Variants in OXR1 observed in about 807,000 individuals in gnomAD.
The protein encoded by OXR1 is oxidation resistance 1, also known as oxidation resistance protein 1.
OXR1 carries 41 observed loss-of-function variants against 104.6 expected under a neutral mutation model. The observed-to-expected ratio is 0.39, with a 90% CI of 0.31 to 0.51. The LOEUF is 0.51. OXR1 is among the 20% of genes least tolerant of loss of function. The pLI is 0.77. For missense variants in OXR1, 955 were observed against 1,031.9 expected (o/e 0.93, Z 1.02); for synonymous variants, 348 against 348.4 (o/e 1.00, Z 0.01).
At chr8:106,713,711 A>G (rs1831942580) in intron 10 of OXR1, 112 bp from the exon 11 acceptor site, 1 of 579,176 alleles carries the variant, frequency 1.7e-6, no homozygotes. Context: ...AAAACAATAT[A>G]TTTTGTGTAT....
intron 1 of OXR1, among the ~76,000 whole-genome samples, chr8:106,307,121 G>T (rs1813493238): frequency 6.6e-6 from 1 of 152,096 alleles, no homozygotes; most frequent in Non-Finnish European, 1.5e-5. Flanking sequence ...TCAAGAAACA[G>T]CATTTTATTC....
intron 3 of OXR1, among the ~76,000 whole-genome samples, chr8:106,586,824 T>G (rs555227156): frequency 2.0e-5 from 3 of 152,090 alleles, no homozygotes; most frequent in African/African-American, 4.8e-5. Context: ...GAATGAGAAC[T>G]GAGATGACTG....
At chr8:106,647,504 TA>T (rs200516233) in intron 3 of OXR1, among the ~76,000 whole-genome samples, 2,576 of 152,236 alleles carry the variant, frequency 0.017, 29 homozygotes, top group East Asian at 0.034. Flanking sequence ...ATGCTTTATA[TA>T]AAAAAAGAGT....
intron 3 of OXR1, among the ~76,000 whole-genome samples, chr8:106,528,295 G>A (rs765170291): frequency 8.5e-5 from 13 of 152,096 alleles, no homozygotes; most frequent in Non-Finnish European, 1.9e-4. Context: ...ATTAAGTTGG[G>A]AAATGGTCCC....
intron 3 of OXR1, among the ~76,000 whole-genome samples, chr8:106,583,026 TATTG>T (rs1485711590): frequency 2.6e-5 from 4 of 152,218 alleles, no homozygotes; most frequent in South Asian, 2.1e-4. Flanking sequence ...AACTTATTCC[TATTG>T]ATTAAGTTTT....
Position 106,313,447 on chromosome 8 carries a change from A to G in OXR1, c.-139+43080A>G, listed in dbSNP as rs1813793387. On this transcript the variant is annotated intron_variant, in intron 1 of 16. Coordinates refer to ENST00000517566, the MANE Select transcript of OXR1 (RefSeq NM_001198533.2). ...ATGCAAATGAAGCACACTGTTTTCCATGGTTGTTTGATTTTCATTTGGGTG... is the reference window on the plus strand; with the variant it reads ...ATGCAAATGAAGCACACTGTTTTCCGTGGTTGTTTGATTTTCATTTGGGTG... Among the ~76,000 whole-genome samples the G allele has an allele frequency of 2.0e-5, 3 of 152,136 alleles. No individual in the cohort carries two copies. In the South Asian group the frequency reaches 6.2e-4, roughly 31 times the overall value.
At chr8:106,569,032 C>T (rs763978608) in intron 3 of OXR1, among the ~76,000 whole-genome samples, 7 of 152,048 alleles carry the variant, frequency 4.6e-5, no homozygotes, top group East Asian at 1.9e-4. Context: ...ACACAGGGTA[C>T]GTACTGGATA....
At chr8:106,299,292 G>T (rs1813133674) in intron 1 of OXR1, among the ~76,000 whole-genome samples, 1 of 150,862 alleles carries the variant, frequency 6.6e-6, no homozygotes, top group Admixed American at 6.7e-5. Context: ...CTGCTCACAT[G>T]AATCAATTCT....
At chr8:106,577,829 A>G (rs1317947825) in intron 3 of OXR1, among the ~76,000 whole-genome samples, 4 of 152,166 alleles carry the variant, frequency 2.6e-5, no homozygotes, top group African/African-American at 9.7e-5. Context: ...AACTGGGAGG[A>G]GGAATTCACT....
At chr8:106,373,368 A>T (rs551144487) in intron 2 of OXR1, among the ~76,000 whole-genome samples, 6 of 152,126 alleles carry the variant, frequency 3.9e-5, no homozygotes, top group East Asian at 3.9e-4. Flanking sequence ...TAAACAATAA[A>T]TTTTTTTTAC....
intron 3 of OXR1, among the ~76,000 whole-genome samples, chr8:106,641,817 G>T (rs1002565780): frequency 3.9e-5 from 6 of 152,072 alleles, no homozygotes; most frequent in African/African-American, 1.4e-4. Context: ...ATAGAGTGAG[G>T]TTATATAAGC....
intron 2 of OXR1, among the ~76,000 whole-genome samples, chr8:106,447,137 A>C (rs1296044457): frequency 6.6e-6 from 1 of 152,234 alleles, no homozygotes; most frequent in Non-Finnish European, 1.5e-5. Flanking sequence ...CATCATACAT[A>C]TCTCTTATTT....
At chr8:106,364,844 G>A (rs1181804235) in intron 2 of OXR1, among the ~76,000 whole-genome samples, 4 of 152,106 alleles carry the variant, frequency 2.6e-5, no homozygotes, top group Non-Finnish European at 4.4e-5. Flanking sequence ...GGTGGAATGG[G>A]GAAATCAAAC....
At chr8:106,653,140 A>G (rs963721606) in intron 3 of OXR1, among the ~76,000 whole-genome samples, 2 of 150,678 alleles carry the variant, frequency 1.3e-5, no homozygotes, top group African/African-American at 2.4e-5. Context: ...CCAGAAAGAA[A>G]AGCCTAGAGC....
intron 15 of OXR1, 193 bp downstream of exon 15, chr8:106,742,510 A>T (rs1203249529): frequency 2.1e-6 from 1 of 476,204 alleles, no homozygotes; most frequent in Admixed American, 3.9e-5. Flanking sequence ...AGCATAAAGA[A>T]CAAAGCTGGA....
intron 3 of OXR1, among the ~76,000 whole-genome samples, chr8:106,671,463 A>G (rs1394051179): frequency 6.6e-6 from 1 of 152,204 alleles, no homozygotes; most frequent in African/African-American, 2.4e-5. Context: ...AGTTTTTAAC[A>G]TCCTTGCATT....
intron 3 of OXR1, among the ~76,000 whole-genome samples, chr8:106,586,764 TG>T (rs1000769165): frequency 1.3e-5 from 2 of 152,048 alleles, no homozygotes; most frequent in Admixed American, 1.3e-4. Context: ...TGTGATGTCC[TG>T]GGGGCGAGTG....
At chr8:106,311,055 G>A (rs1813679332) in intron 1 of OXR1, among the ~76,000 whole-genome samples, 1 of 151,658 alleles carries the variant, frequency 6.6e-6, no homozygotes, top group Admixed American at 6.6e-5. Context: ...TATGTGTATT[G>A]GACCATCTTG....
intron 3 of OXR1, among the ~76,000 whole-genome samples, chr8:106,651,070 G>A (rs897430011): frequency 6.6e-6 from 1 of 152,182 alleles, no homozygotes; most frequent in African/African-American, 2.4e-5. Flanking sequence ...CAAAAGGAGT[G>A]TGCTTTAAAA....
Sources: allele counts gnomAD v4.1 joint callset (sites outside exome capture counted in the v4.1 genomes callset), GRCh38; gene constraint gnomAD v4.1.1; transcripts MANE v1.5; gene names NCBI Gene and HGNC (gene_info 2026-07-23, HGNC 2026-07-21).